The following MYO7B variants were observed in gnomAD, a reference collection of about 807,000 sequenced individuals.
The protein encoded by MYO7B is unconventional myosin-VIIb.
MYO7B carries 212 observed loss-of-function variants against 259.7 expected under a neutral mutation model. That is an observed-to-expected ratio of 0.82 (90% CI 0.73 to 0.91). MYO7B has a LOEUF of 0.91. Among genes scored for constraint, MYO7B ranks in the 40% least tolerant of loss-of-function variants. The pLI, the probability that MYO7B is intolerant of heterozygous loss-of-function variation, is 0.00. For missense variants in MYO7B, 2,732 were observed against 2,813.5 expected (o/e 0.97, Z 0.66); for synonymous variants, 1,197 against 1,166.4 (o/e 1.03, Z -0.54).
chr2:127,587,016 T>C (rs1679330192), intron 14 of MYO7B, among the ~76,000 whole-genome samples: 1 of 152,066 alleles, frequency 6.6e-6, no homozygotes, highest in African/African-American at 2.4e-5. Context: ...GGAAACAGAC[T>C]CCCTTCCCTC....
chr2:127,624,039 G>A (rs1243832294), intron 29 of MYO7B, 54 bp from the exon 30 acceptor site: 6 of 1,481,696 alleles, frequency 4.0e-6, no homozygotes, highest in East Asian at 2.5e-5. Context: ...GGGCGTCCCC[G>A]TGGGGTGGGG....
rs1350446584 is a variant in MYO7B at position 127,636,629 on chromosome 2, G to T, written c.6207+1G>T. 6.2e-7 allele frequency: 1 copy of T among 1,611,858 alleles called. No homozygotes were observed. The highest frequency in any genetic ancestry group is 8.5e-7 in the Non-Finnish European group (1 of 1,179,002). The stretch of plus-strand genomic sequence containing the variant: ...TCTGCTCATCCACCCCAAGACCAAG[G>T]TAGCTGCTGGGCCTCCGGAGGGGCT... On this transcript the variant is annotated splice_donor_variant, in intron 46 of 47. Transcript: ENST00000409816. LOFTEE classifies it high-confidence loss of function. This position sits in a 1 kb window ranked among gnomAD's most constrained non-coding sequence, Gnocchi z 4.5.
chr2:127,616,443 A>T (rs1280092824), intron 26 of MYO7B, among the ~76,000 whole-genome samples: 2 of 152,234 alleles, frequency 1.3e-5, no homozygotes, highest in Non-Finnish European at 1.5e-5. Flanking sequence ...ACAGTTGAGC[A>T]ACTTATTCTC....
intron 26 of MYO7B, chr2:127,620,086 A>C (rs1573703035): frequency 3.1e-6 from 1 of 327,836 alleles, no homozygotes; most frequent in Non-Finnish European, 5.6e-6. Flanking sequence ...TGGCTGGAGA[A>C]CCTGCTGCTT....
intron 18 of MYO7B, among the ~76,000 whole-genome samples, chr2:127,595,689 A>G (rs1679747231): frequency 6.6e-6 from 1 of 152,222 alleles, no homozygotes; most frequent in Admixed American, 6.5e-5. Context: ...AACTGGTTTC[A>G]AAGAACTTCT....
intron 5 of MYO7B, among the ~76,000 whole-genome samples, chr2:127,569,254 C>G (rs1435244180): frequency 6.7e-6 from 1 of 149,908 alleles, no homozygotes; most frequent in African/African-American, 2.5e-5. Flanking sequence ...GAAGCAACAT[C>G]TGGGATTTGC....
At position 127,636,435 on chromosome 2, in the gene MYO7B, C is replaced by A; in HGVS notation, c.6124-110C>A. The A allele has an allele frequency of 1.4e-6, 2 of 1,428,166 alleles. No homozygotes were observed. Among genetic ancestry groups the A allele is most frequent in the Non-Finnish European group, 2.0e-6 (2 of 1,025,484 alleles). The allele number at this position is 1,428,166 out of a possible 1,614,324, so 88.5% of individuals were successfully genotyped here. On this transcript the variant is annotated intron_variant, in intron 45 of 47. Transcript: ENST00000409816. This position sits in a 1 kb window ranked among gnomAD's most constrained non-coding sequence, Gnocchi z 4.5. ...ATCTTGGGTGGGGCTGGCCGTGAGG[C>A]TGGAGGGCGTGGGTGTATGTGTGTA...
intron 1 of MYO7B, among the ~76,000 whole-genome samples, chr2:127,554,828 G>A (rs1693578760): frequency 6.6e-6 from 1 of 152,054 alleles, no homozygotes; most frequent in South Asian, 2.1e-4. Flanking sequence ...ATTTTTCCAG[G>A]AATTCATCCA....
chr2:127,636,720 T>G lies in MYO7B; in HGVS notation c.6208-74T>G. 1 of 1,610,598 alleles carries G rather than the reference T, an allele frequency of 6.2e-7. No homozygotes were observed. Among genetic ancestry groups the G allele is most frequent in the Admixed American group, 1.7e-5 (1 of 59,742 alleles). ...AGTCATCTCTGCGGTGTGTCCTGCC[T>G]CTCTCCTGTCCCCTAACACACACAG... On this transcript the variant is annotated intron_variant, in intron 46 of 47. Coordinates refer to ENST00000409816, the MANE Select transcript of MYO7B (RefSeq NM_001393586.1). The surrounding 1 kb of genome is among the most constrained non-coding windows in gnomAD (Gnocchi z 4.5).
intron 1 of MYO7B, among the ~76,000 whole-genome samples, chr2:127,549,426 C>A (rs957791773): frequency 6.6e-6 from 1 of 152,100 alleles, no homozygotes; most frequent in East Asian, 1.9e-4. Flanking sequence ...AGGTAGTGAG[C>A]GTGGCACTCA....
In MYO7B at chr2:127,546,383, C is replaced by T. The variant is rs889087542; in HGVS notation, c.-24+10552C>T. Reference sequence around the variant, plus strand: ...GCTGCTTGCCCACTCCAGCCCTGTCCTGGTCCAGCAATGCTTTGATCTTCC... The same window carrying T: ...GCTGCTTGCCCACTCCAGCCCTGTCTTGGTCCAGCAATGCTTTGATCTTCC... On this transcript the variant is annotated intron_variant, in intron 1 of 47. Coordinates refer to ENST00000409816, the MANE Select transcript of MYO7B (RefSeq NM_001393586.1). The surrounding 1 kb of genome is among the most constrained non-coding windows in gnomAD (Gnocchi z 4.2). Among the ~76,000 whole-genome samples the T allele has an allele frequency of 2.0e-5, 3 of 152,206 alleles. No homozygotes were observed. Among genetic ancestry groups the T allele is most frequent in the Admixed American group, 6.5e-5 (1 of 15,286 alleles).
At chr2:127,578,916 C>T (rs1269609128) in intron 9 of MYO7B, among the ~76,000 whole-genome samples, 1 of 151,966 alleles carries the variant, frequency 6.6e-6, no homozygotes, top group African/African-American at 2.4e-5. Flanking sequence ...AAAGAAGCAG[C>T]CAAGCTTGAA....
chr2:127,605,312 G>T (rs997203106), intron 19 of MYO7B, among the ~76,000 whole-genome samples: 14 of 152,204 alleles, frequency 9.2e-5, no homozygotes, highest in African/African-American at 3.4e-4. Flanking sequence ...AAACTGGACT[G>T]TTGGCTGGAC....
At chr2:127,624,005 C>T in intron 29 of MYO7B, 88 bp from the exon 30 acceptor site, 1 of 1,286,212 alleles carries the variant, frequency 7.8e-7, no homozygotes, top group Non-Finnish European at 1.1e-6. Context: ...CAGGCCCTGT[C>T]TTCTACGTGC....
chr2:127,621,869 CT>C, intron 27 of MYO7B, 112 bp from the exon 28 acceptor site: 1 of 1,486,452 alleles, frequency 6.7e-7, no homozygotes, highest in South Asian at 1.2e-5. Flanking sequence ...GAGGGTGCCC[CT>C]CAATGCACAT....
intron 26 of MYO7B, 187 bp from the exon 27 acceptor site, chr2:127,620,153 G>T: frequency 3.5e-6 from 2 of 567,800 alleles, no homozygotes; most frequent in East Asian, 3.0e-5. Flanking sequence ...GAGAGGAATC[G>T]AGTAGGGATG....
Position 127,584,165 on chromosome 2 carries a change from C to T in MYO7B, c.1387C>T (p.Gln463Ter). The change falls in exon 13 of 48, where the codon CAG becomes TAG. Residue 463 changes from glutamine (Q) to a stop codon, truncating the protein, a stop_gained. Coordinates refer to ENST00000409816, the MANE Select transcript of MYO7B (RefSeq NM_001393586.1). LOFTEE classifies it high-confidence loss of function. The surrounding 1 kb of genome is among the most constrained non-coding windows in gnomAD (Gnocchi z 5.8). ...CINFANEHLQQFFVQHVFTME... is the reference protein window; with the variant it reads ...CINFANEHLQ ...CAACTTCGCCAACGAGCACCTGCAGCAGTTCTTTGTGCAGCACGTGTTCAC... is the reference window on the plus strand; with the variant it reads ...CAACTTCGCCAACGAGCACCTGCAGTAGTTCTTTGTGCAGCACGTGTTCAC... 6.2e-7 allele frequency: 1 copy of T among 1,613,960 alleles called. No individual in the cohort carries two copies. Among genetic ancestry groups the T allele is most frequent in the Admixed American group, 1.7e-5 (1 of 60,008 alleles).
chr2:127,617,485 G>T, intron 26 of MYO7B, among the ~76,000 whole-genome samples: 2 of 118,980 alleles, frequency 1.7e-5, no homozygotes, highest in South Asian at 3.0e-4. Flanking sequence ...ACTTGTAACG[G>T]GGTTTTTTTT....
At chr2:127,631,102 G>T in intron 36 of MYO7B, 104 bp from the exon 37 acceptor site, 2 of 1,438,642 alleles carry the variant, frequency 1.4e-6, no homozygotes, top group Non-Finnish European at 1.8e-6. Context: ...GGCAGGGTGG[G>T]GTGCTCTGGC....
Sources: gnomAD v4.1 joint callset for allele counts (sites outside exome capture counted in the v4.1 genomes callset) on GRCh38, gnomAD v4.1.1 for gene constraint, Gnocchi (gnomAD v3.1) non-coding constraint, MANE v1.5 for transcripts, NCBI Gene and HGNC (gene_info 2026-07-23, HGNC 2026-07-21) for gene names.